The following SPPL3 variants were observed in gnomAD, a reference collection of about 807,000 sequenced individuals.
The protein encoded by SPPL3 is signal peptide peptidase-like 3.
SPPL3 carries 5 observed loss-of-function variants against 42.4 expected under a neutral mutation model. The ratio of observed to expected loss-of-function variants is 0.12; its 90% CI spans 0.06 to 0.25. The LOEUF (loss-of-function observed/expected upper bound fraction) is 0.25, where lower values mean the gene tolerates loss of function less well. SPPL3 is among the 10% of genes least tolerant of loss of function. The probability of loss-of-function intolerance (pLI) is 1.00; values close to 1 mark genes in which losing one functional copy is unlikely to be tolerated. For missense variants in SPPL3, 235 were observed against 489.0 expected (o/e 0.48, Z 4.90); for synonymous variants, 195 against 181.8 (o/e 1.07, Z -0.58).
intron 2 of SPPL3, among the ~76,000 whole-genome samples, chr12:120,807,288 G>C (rs149759298): frequency 1.3e-5 from 2 of 152,130 alleles, no homozygotes; most frequent in South Asian, 2.1e-4. Flanking sequence ...GCCCTTACCT[G>C]TCACCGAAGG....
At chr12:120,800,220 A>T (rs1451241937) in intron 2 of SPPL3, among the ~76,000 whole-genome samples, 1 of 152,194 alleles carries the variant, frequency 6.6e-6, no homozygotes, top group Non-Finnish European at 1.5e-5. Context: ...ATCAATGTTT[A>T]GGTCAGGTGC....
At chr12:120,768,560 C>T in intron 7 of SPPL3, 72 bp from the exon 8 acceptor site, 2 of 1,490,396 alleles carry the variant, frequency 1.3e-6, no homozygotes, top group Non-Finnish European at 1.8e-6. Context: ...GCCCTCCTTG[C>T]TCTTAAGAGC....
intron 1 of SPPL3, among the ~76,000 whole-genome samples, chr12:120,870,770 A>T (rs1872895683): frequency 6.6e-6 from 1 of 152,208 alleles, no homozygotes; most frequent in South Asian, 2.1e-4. Context: ...TATGTGACCT[A>T]GCTAGAGCAG....
intron 7 of SPPL3, chr12:120,768,722 G>A: frequency 1.6e-6 from 1 of 633,338 alleles, no homozygotes; most frequent in Non-Finnish European, 2.7e-6. Flanking sequence ...AATCTTGTCA[G>A]CCTGTTACCT....
At chr12:120,788,796 C>A (rs1012779485) in intron 3 of SPPL3, among the ~76,000 whole-genome samples, 1 of 152,164 alleles carries the variant, frequency 6.6e-6, no homozygotes, top group Non-Finnish European at 1.5e-5. Context: ...TAAATTTATA[C>A]TTTCTTTTTC....
intron 1 of SPPL3, among the ~76,000 whole-genome samples, chr12:120,840,674 A>T (rs1435578824): frequency 1.3e-5 from 2 of 152,068 alleles, no homozygotes; most frequent in Non-Finnish European, 2.9e-5. Flanking sequence ...TCTACAAAAA[A>T]TACAAAAATA....
At chr12:120,793,708 A>C (rs937466345) in intron 2 of SPPL3, among the ~76,000 whole-genome samples, 1 of 149,302 alleles carries the variant, frequency 6.7e-6, no homozygotes, top group African/African-American at 2.6e-5. Flanking sequence ...TGAAAAAATA[A>C]ATTTGCTGTT....
At chr12:120,843,638 G>C (rs139943411) in intron 1 of SPPL3, among the ~76,000 whole-genome samples, 1 of 152,154 alleles carries the variant, frequency 6.6e-6, no homozygotes, top group African/African-American at 2.4e-5. Context: ...AGTTATCTTA[G>C]AAAGTCCAAT....
intron 1 of SPPL3, among the ~76,000 whole-genome samples, chr12:120,838,666 G>A (rs1249519053): frequency 6.6e-6 from 1 of 152,186 alleles, no homozygotes; most frequent in Non-Finnish European, 1.5e-5. Context: ...AGGACCATAT[G>A]TGAAGTCAGA....
intron 1 of SPPL3, among the ~76,000 whole-genome samples, chr12:120,820,347 GCT>G (rs932282014): frequency 7.6e-5 from 9 of 119,192 alleles, no homozygotes; most frequent in East Asian, 7.2e-4. Context: ...CAAGAGTCTC[GCT>G]CTGTCGCCCA....
intron 2 of SPPL3, among the ~76,000 whole-genome samples, chr12:120,797,805 T>C (rs1335006381): frequency 1.3e-5 from 2 of 152,210 alleles, no homozygotes; most frequent in African/African-American, 2.4e-5. Flanking sequence ...GTCACACTGA[T>C]AATGATCTTA....
intron 9 of SPPL3, among the ~76,000 whole-genome samples, chr12:120,766,645 G>T (rs1566035947): frequency 2.7e-5 from 4 of 147,172 alleles, no homozygotes; most frequent in Non-Finnish European, 6.1e-5. Context: ...GTGTGCCTCT[G>T]TCTCCTGTGA....
intron 6 of SPPL3, among the ~76,000 whole-genome samples, chr12:120,778,368 C>T (rs533472854): frequency 3.9e-5 from 6 of 152,194 alleles, no homozygotes; most frequent in Non-Finnish European, 8.8e-5. Context: ...GCGCCTGCCT[C>T]AGCCTCCCAA....
chr12:120,806,195 C>CG (rs1403608281), intron 2 of SPPL3, among the ~76,000 whole-genome samples: 2 of 111,398 alleles, frequency 1.8e-5, no homozygotes, highest in Non-Finnish European at 3.6e-5. Context: ...CTTTTATGGT[C>CG]GATTTTTTTT....
intron 3 of SPPL3, among the ~76,000 whole-genome samples, chr12:120,786,523 CTG>C (rs1242935908): frequency 1.3e-5 from 2 of 152,050 alleles, no homozygotes; most frequent in Non-Finnish European, 2.9e-5. Context: ...AGAATAAAGA[CTG>C]TAGTGGTGAG....
chr12:120,889,826 G>C (rs977399006), intron 1 of SPPL3, among the ~76,000 whole-genome samples: 4 of 152,110 alleles, frequency 2.6e-5, no homozygotes, highest in Non-Finnish European at 5.9e-5. Context: ...CTAACACCTT[G>C]AATAATAGTT....
At position 120,791,500 on chromosome 12, in the gene SPPL3, A is replaced by G. The variant is rs778775587; in HGVS notation, c.159T>C (p.Ser53=). The G allele has an allele frequency of 6.2e-7, 1 of 1,608,080 alleles. No individual in the cohort carries two copies. The highest frequency in any genetic ancestry group is 1.7e-5 in the Admixed American group (1 of 58,776). The change falls in exon 3 of 11, where the codon TCT becomes TCC. Residue 53 remains serine, a synonymous_variant. Transcript: ENST00000353487. ...TGGTGCTGTTGCCATTGAAAGACCC[A>G]GAAGAACTATTACTGTCTTTCTCCT... The part of the protein sequence containing the change: ...QDKEKDSNSS[S]GSFNGNSTNN...
intron 1 of SPPL3, among the ~76,000 whole-genome samples, chr12:120,901,314 C>T (rs754430441): frequency 1.3e-5 from 2 of 151,848 alleles, no homozygotes; most frequent in African/African-American, 4.8e-5. Flanking sequence ...AAGCTGTGGC[C>T]GGGCACGGTG....
chr12:120,828,881 G>A (rs1871308120), intron 1 of SPPL3, among the ~76,000 whole-genome samples: 1 of 151,814 alleles, frequency 6.6e-6, no homozygotes, highest in Admixed American at 6.6e-5. Context: ...TCAGCCTCCC[G>A]AGTTGCTGGG....
Sources: gnomAD v4.1 joint callset for allele counts (sites outside exome capture counted in the v4.1 genomes callset) on GRCh38, gnomAD v4.1.1 for gene constraint, MANE v1.5 for transcripts, NCBI Gene and HGNC (gene_info 2026-07-23, HGNC 2026-07-21) for gene names.